CTDP1: variants seen among roughly 807,000 people sequenced by gnomAD.
CTDP1 encodes RNA polymerase II subunit A C-terminal domain phosphatase.
CTDP1 carries 47 observed loss-of-function variants against 91.8 expected under a neutral mutation model. The observed-to-expected ratio is 0.51, with a 90% CI of 0.41 to 0.65. The LOEUF is 0.65. Ranked by LOEUF, CTDP1 falls within the 30% of genes least tolerant of loss-of-function variation. CTDP1 has a pLI of 0.00. For synonymous variants in CTDP1, 656 were observed against 598.5 expected (o/e 1.10, Z -1.40); for missense variants, 1,272 against 1,373.7 (o/e 0.93, Z 1.17).
chr18:79,755,473 C>G (rs568992439), downstream of CTDP1: 2 of 152,242 alleles, frequency 1.3e-5, no homozygotes, highest in Admixed American at 6.5e-5. Flanking sequence ...CAAGTTGATA[C>G]CCAAAGAAAG....
chr18:79,704,898 G>A lies in CTDP1; in HGVS notation c.753G>A (p.Leu251=), dbSNP rs370316956. 130 of 1,613,314 alleles carry A rather than the reference G, an allele frequency of 8.1e-5. No homozygotes were observed. The highest frequency in any genetic ancestry group is 1.1e-4 in the Non-Finnish European group (125 of 1,180,054). Residue 251 remains leucine, a synonymous_variant, in exon 5 of 13, where the codon CTG becomes CTA. Coordinates refer to ENST00000613122, the MANE Select transcript of CTDP1 (RefSeq NM_004715.5). ...ACGTCTTCACCTTCGGCAGCCGGCT[G>A]TACGCACACACCATCGCAGGTCAGT... ...ELHVFTFGSR[L]YAHTIAGFLD...
intron 4 of CTDP1, among the ~76,000 whole-genome samples, chr18:79,702,444 C>G (rs185220852): frequency 2.0e-4 from 31 of 152,338 alleles, no homozygotes; most frequent in Non-Finnish European, 3.5e-4. Context: ...CACGATCTCT[C>G]TATCCTGCAA....
chr18:79,753,590 G>A, intron 12 of CTDP1, 62 bp from the exon 13 acceptor site: 1 of 1,613,414 alleles, frequency 6.2e-7, no homozygotes, highest in South Asian at 1.1e-5. Flanking sequence ...ATGCAGACCA[G>A]GCGGTGACCC....
intron 12 of CTDP1, among the ~76,000 whole-genome samples, chr18:79,737,729 C>T (rs1356853779): frequency 2.6e-5 from 4 of 152,132 alleles, no homozygotes; most frequent in African/African-American, 4.8e-5. Flanking sequence ...TTTTGGGTGC[C>T]GTCTGTTGAT....
At chr18:79,741,361 A>G (rs2086774530) in intron 12 of CTDP1, among the ~76,000 whole-genome samples, 1 of 152,222 alleles carries the variant, frequency 6.6e-6, no homozygotes, top group South Asian at 2.1e-4. Context: ...AATATACCAT[A>G]GCCTCTTTCT....
intron 5 of CTDP1, among the ~76,000 whole-genome samples, chr18:79,709,909 T>C (rs1568190078): frequency 6.6e-6 from 1 of 152,208 alleles, no homozygotes; most frequent in Non-Finnish European, 1.5e-5. Flanking sequence ...GCCACCCGCC[T>C]GGGGTTAGGA....
intron 10 of CTDP1, among the ~76,000 whole-genome samples, chr18:79,718,993 G>GT (rs754675099): frequency 1.9e-3 from 293 of 152,318 alleles, no homozygotes; most frequent in Non-Finnish European, 3.4e-3. Flanking sequence ...GGGATGCTGA[G>GT]GCCTGGAGTG....
intron 1 of CTDP1, among the ~76,000 whole-genome samples, chr18:79,686,357 G>A (rs1007251609): frequency 2.0e-5 from 3 of 152,220 alleles, no homozygotes; most frequent in South Asian, 2.1e-4. Context: ...AATACAAAAC[G>A]GAAAACAAGC....
chr18:79,697,589 C>T (rs1471989829), intron 3 of CTDP1, among the ~76,000 whole-genome samples: 1 of 152,162 alleles, frequency 6.6e-6, no homozygotes, highest in Non-Finnish European at 1.5e-5. Context: ...CTGTTGAATC[C>T]AGCTTTTATA....
At chr18:79,699,182 A>C (rs370036345) in intron 4 of CTDP1, among the ~76,000 whole-genome samples, 2 of 152,114 alleles carry the variant, frequency 1.3e-5, no homozygotes, top group Non-Finnish European at 2.9e-5. Context: ...ACAGCAGTCT[A>C]TTCTTCTGTG....
At position 79,736,319 on chromosome 18, in the gene CTDP1, AAGG is replaced by A. The variant is rs770796182; in HGVS notation, c.2581-32_2581-30del. 1.7e-4 allele frequency: 265 copies of A among 1,548,476 alleles called. 1 individual carries two copies. The highest frequency in any genetic ancestry group is 2.1e-4 in the Non-Finnish European group (243 of 1,146,874). Reference sequence around the variant, plus strand: ...CTGTTGCGGAGGAACGGGGCCCGGGAAGGAGGTCTGTCGCTGACTCTTGGCTGT... The same window carrying A: ...CTGTTGCGGAGGAACGGGGCCCGGGAAGGTCTGTCGCTGACTCTTGGCTGT... On this transcript the variant is annotated intron_variant, in intron 11 of 12. Coordinates refer to ENST00000613122, the MANE Select transcript of CTDP1 (RefSeq NM_004715.5).
At chr18:79,700,060 G>A (rs1337279351) in intron 4 of CTDP1, among the ~76,000 whole-genome samples, 1 of 152,148 alleles carries the variant, frequency 6.6e-6, no homozygotes, top group African/African-American at 2.4e-5. Context: ...CAAACGTAAT[G>A]GGTAGATGTG....
intron 6 of CTDP1, among the ~76,000 whole-genome samples, chr18:79,711,693 A>G (rs893662303): frequency 6.6e-6 from 1 of 152,300 alleles, no homozygotes; most frequent in African/African-American, 2.4e-5. Flanking sequence ...TCACTTGACT[A>G]TTATGCCCAT....
chr18:79,740,324 C>T (rs771962854), intron 12 of CTDP1, among the ~76,000 whole-genome samples: 42 of 152,196 alleles, frequency 2.8e-4, no homozygotes, highest in South Asian at 8.3e-4. Context: ...AAGGGTGGGG[C>T]GGTGGGGTCT....
At chr18:79,751,160 T>G (rs1240606515) in intron 12 of CTDP1, among the ~76,000 whole-genome samples, 1 of 14,104 alleles carries the variant, frequency 7.1e-5, no homozygotes, top group Non-Finnish European at 1.2e-4. Flanking sequence ...AGGGAGGGGC[T>G]GGGTACAGAG....
At chr18:79,736,730 TGAGGTGTGTGCAGGTGTG>T (rs1276592511) in intron 12 of CTDP1, among the ~76,000 whole-genome samples, 7 of 125,972 alleles carry the variant, frequency 5.6e-5, no homozygotes, top group Non-Finnish European at 1.2e-4. Context: ...TGCAGGCGTG[TGAGGTGTGTGCAGGTGTG>T]GGGGGGGATC....
At chr18:79,706,414 C>T (rs1213039536) in intron 5 of CTDP1, among the ~76,000 whole-genome samples, 1 of 152,194 alleles carries the variant, frequency 6.6e-6, no homozygotes, top group Non-Finnish European at 1.5e-5. Context: ...ATAAGTCACA[C>T]AAACCGCAGG....
chr18:79,702,334 G>T (rs944021390), intron 4 of CTDP1, among the ~76,000 whole-genome samples: 1 of 151,902 alleles, frequency 6.6e-6, no homozygotes, highest in Non-Finnish European at 1.5e-5. Flanking sequence ...AGGTTCAGAT[G>T]GTTGTTAGCA....
intron 11 of CTDP1, among the ~76,000 whole-genome samples, chr18:79,735,265 C>T (rs1275067286): frequency 6.6e-6 from 1 of 152,158 alleles, no homozygotes; most frequent in Non-Finnish European, 1.5e-5. Context: ...CCCCTCAAGG[C>T]CCCAGCCAGG....
Sources: allele counts gnomAD v4.1 joint callset (sites outside exome capture counted in the v4.1 genomes callset), GRCh38; gene constraint gnomAD v4.1.1; transcripts MANE v1.5; gene names NCBI Gene and HGNC (gene_info 2026-07-23, HGNC 2026-07-21).